The following DAAM2 variants were observed in gnomAD, a reference collection of about 807,000 sequenced individuals.
The protein encoded by DAAM2 is disheveled-associated activator of morphogenesis 2.
Under a neutral mutation model 120.7 loss-of-function variants are expected in DAAM2, and 39 were observed. The observed-to-expected ratio is 0.32, with a 90% confidence interval of 0.25 to 0.42. DAAM2 has a LOEUF of 0.42. Ranked by LOEUF, DAAM2 falls within the 10% of genes least tolerant of loss-of-function variation. The pLI, the probability that DAAM2 is intolerant of heterozygous loss-of-function variation, is 1.00. For missense variants in DAAM2, 1,283 were observed against 1,401.7 expected (o/e 0.92, Z 1.35); for synonymous variants, 488 against 524.9 (o/e 0.93, Z 0.96).
chr6:39,820,483 G>A (rs1383797451), intron 1 of DAAM2: 1 of 152,136 alleles, frequency 6.6e-6, no homozygotes, highest in African/African-American at 2.4e-5. Flanking sequence ...TCCTCTTAGA[G>A]CTTCCACGTA....
intron 1 of DAAM2, among the ~76,000 whole-genome samples, chr6:39,846,633 C>A (rs9471190): frequency 0.5 from 75,088 of 151,628 alleles, 18,890 homozygotes; most frequent in African/African-American, 0.58. Context: ...CCCCGCTGGG[C>A]TACAGTTCTG....
At chr6:39,818,193 A>AC (rs1291926342) in intron 1 of DAAM2, among the ~76,000 whole-genome samples, 6 of 146,060 alleles carry the variant, frequency 4.1e-5, no homozygotes, top group African/African-American at 1.6e-4. Flanking sequence ...AAAAAAAAAA[A>AC]AAAAAAAAAA....
At chr6:39,831,492 A>G (rs1336144467) in intron 1 of DAAM2, among the ~76,000 whole-genome samples, 1 of 151,932 alleles carries the variant, frequency 6.6e-6, no homozygotes, top group African/African-American at 2.4e-5. Flanking sequence ...ACATGGGGAA[A>G]CTGAGGCACA....
chr6:39,882,903 C>T (rs1765193295), intron 14 of DAAM2, among the ~76,000 whole-genome samples: 7 of 152,222 alleles, frequency 4.6e-5, no homozygotes, highest in Admixed American at 3.9e-4. Flanking sequence ...CTGACTCTGG[C>T]CTAGCCTCCC....
chr6:39,843,918 G>A (rs769742829), intron 1 of DAAM2, among the ~76,000 whole-genome samples: 1 of 152,098 alleles, frequency 6.6e-6, no homozygotes, highest in Admixed American at 6.5e-5. Context: ...TGCCATTTAC[G>A]AGCTGTGTTC....
chr6:39,903,843 A>G lies in DAAM2; in HGVS notation c.*1806A>G, dbSNP rs963200637. ...GTGTTCTGGTGGGAGGGATCTGAGCAAGTGCAAGCCTGGCTGACACAGGTG... is the reference window on the plus strand; with the variant it reads ...GTGTTCTGGTGGGAGGGATCTGAGCGAGTGCAAGCCTGGCTGACACAGGTG... On this transcript the variant is annotated 3_prime_UTR_variant, in exon 25 of 25. Coordinates refer to ENST00000274867, the MANE Select transcript of DAAM2 (RefSeq NM_001201427.2). 1 of 258,186 alleles carries G rather than the reference A, an allele frequency of 3.9e-6. No individual in the cohort carries two copies. Among genetic ancestry groups the G allele is most frequent in the Non-Finnish European group, 7.5e-6 (1 of 132,734 alleles). 16.0% of individuals were successfully genotyped at this position (258,186 alleles called of 1,614,324 possible).
chr6:39,851,485 A>G lies in DAAM2; in HGVS notation c.-56-4762A>G, dbSNP rs2149273863. Among the ~76,000 whole-genome samples, 4 of 152,362 alleles carry G rather than the reference A, an allele frequency of 2.6e-5. No individual in the cohort carries two copies. In the Middle Eastern group the frequency reaches 0.01, roughly 389 times the overall value. On this transcript the variant is annotated intron_variant, in intron 1 of 24. Transcript: ENST00000274867. ...ATAGCCAGTGTCTGGCATGTAGGAA[A>G]GTCTCAAGTGTTAGTATTATTCTGC...
At chr6:39,803,430 T>G (rs1440161916) in intron 1 of DAAM2, among the ~76,000 whole-genome samples, 1 of 152,112 alleles carries the variant, frequency 6.6e-6, no homozygotes, top group Non-Finnish European at 1.5e-5. Flanking sequence ...TCTGCTGGGG[T>G]AGGTAGTCCT....
At chr6:39,829,203 C>T (rs1310275184) in intron 1 of DAAM2, among the ~76,000 whole-genome samples, 1 of 152,160 alleles carries the variant, frequency 6.6e-6, no homozygotes, top group Non-Finnish European at 1.5e-5. Context: ...ATGGCAGGGG[C>T]CTGGGGAGCG....
Position 39,879,172 on chromosome 6 carries a change from T to G in DAAM2, c.1546-6T>G, listed in dbSNP as rs1409168075. 2.0e-6 allele frequency: 3 copies of G among 1,535,966 alleles called. No homozygotes were observed. The highest frequency in any genetic ancestry group is 2.6e-6 in the Non-Finnish European group (3 of 1,139,444). The stretch of plus-strand genomic sequence containing the variant: ...TTGTCCTTGCAATTTTTCTGTTTCC[T>G]CACAGACAGGCCCTGTATCTTCCCC... On this transcript the variant is annotated splice_polypyrimidine_tract_variant and splice_region_variant and intron_variant, in intron 13 of 24. Transcript: ENST00000274867.
intron 1 of DAAM2, among the ~76,000 whole-genome samples, chr6:39,843,445 G>A (rs907689990): frequency 6.6e-6 from 1 of 152,146 alleles, no homozygotes; most frequent in African/African-American, 2.4e-5. Context: ...TGACCATTCA[G>A]GGACTGTGGG....
In DAAM2 at chr6:39,798,895, C is replaced by T. The variant is rs376355440; in HGVS notation, c.-57+6430C>T. Among the ~76,000 whole-genome samples the T allele has an allele frequency of 3.9e-5, 6 of 152,210 alleles. No individual in the cohort carries two copies. In the East Asian group the frequency reaches 9.6e-4, roughly 24 times the overall value. On this transcript the variant is annotated intron_variant, in intron 1 of 24. Transcript: ENST00000274867. ...CACATTGAACACATTGCATTACCGT[C>T]GAGGAAGGACCAAGTCTCCTTCATG...
intron 2 of DAAM2, among the ~76,000 whole-genome samples, chr6:39,858,223 G>A (rs1764082249): frequency 6.6e-6 from 1 of 152,220 alleles, no homozygotes; most frequent in Non-Finnish European, 1.5e-5. Context: ...AGCCATGGAA[G>A]ATTTTAAGTA....
At chr6:39,836,318 T>G (rs1227334959) in intron 1 of DAAM2, among the ~76,000 whole-genome samples, 2 of 152,126 alleles carry the variant, frequency 1.3e-5, no homozygotes, top group Non-Finnish European at 2.9e-5. Context: ...CCTTCCAGCC[T>G]TCTTAAAGAA....
rs776017051 is a variant in DAAM2, at chr6:39,891,407, C to T, written c.2212C>T (p.Arg738Trp). 1.1e-5 allele frequency: 18 copies of T among 1,610,756 alleles called. No individual in the cohort carries two copies. Among genetic ancestry groups the T allele is most frequent in the South Asian group, 2.2e-5 (2 of 90,146 alleles). The change falls in exon 18 of 25, where the codon CGG (arginine) becomes TGG (tryptophan). Residue 738 changes from arginine to tryptophan, a missense_variant. Around this residue, in one of 3 missense-constraint regions of DAAM2, gnomAD observed 748 missense variants for 768.6 expected, o/e 0.97. Transcript: ENST00000274867. ...LLEEHKHEIERMARADRFLYE... is the reference protein window; with the variant it reads ...LLEEHKHEIEWMARADRFLYE... The stretch of plus-strand genomic sequence containing the variant: ...GGAGGAGCACAAGCATGAAATTGAG[C>T]GGATGGCCCGTGCTGACCGCTTCCT...
Position 39,902,294 on chromosome 6 carries a change from A to G in DAAM2, c.*257A>G. 2.7e-6 allele frequency: 1 copy of G among 374,868 alleles called. No homozygotes were observed. Among genetic ancestry groups the G allele is most frequent in the Non-Finnish European group, 4.8e-6 (1 of 209,838 alleles). 23.2% of individuals were successfully genotyped at this position (374,868 alleles called of 1,614,324 possible). Reference sequence around the variant, plus strand: ...TTCTGAGGCTGCCTTGGATGGCCTCAGGCCAGGTAACCCCAGGCTGAAGGG... The same window carrying G: ...TTCTGAGGCTGCCTTGGATGGCCTCGGGCCAGGTAACCCCAGGCTGAAGGG... On this transcript the variant is annotated 3_prime_UTR_variant, in exon 25 of 25. Coordinates refer to ENST00000274867, the MANE Select transcript of DAAM2 (RefSeq NM_001201427.2).
At chr6:39,851,775 A>C (rs1763815196) in intron 1 of DAAM2, among the ~76,000 whole-genome samples, 1 of 152,228 alleles carries the variant, frequency 6.6e-6, no homozygotes, top group Non-Finnish European at 1.5e-5. Flanking sequence ...GCAGTATGAA[A>C]GGTCAGAGCT....
chr6:39,825,384 TAAAAC>T (rs56245657), intron 1 of DAAM2, among the ~76,000 whole-genome samples: 48,001 of 101,174 alleles, frequency 0.47, 13,831 homozygotes, highest in Non-Finnish European at 0.61. Context: ...CAAGACTGTT[TAAAAC>T]AAAACAAAAC....
chr6:39,868,788 C>T, intron 6 of DAAM2, 35 bp from the exon 7 acceptor site: 1 of 1,499,280 alleles, frequency 6.7e-7, no homozygotes, highest in African/African-American at 1.4e-5. Flanking sequence ...GGAACTCAGC[C>T]CTCTCCTCCT....
Sources: allele counts gnomAD v4.1 joint callset (sites outside exome capture counted in the v4.1 genomes callset), GRCh38; gene constraint gnomAD v4.1.1; regional missense constraint gnomAD v4.1.1; transcripts MANE v1.5; gene names NCBI Gene and HGNC (gene_info 2026-07-23, HGNC 2026-07-21).